Variants in ENTPD1 observed in about 807,000 individuals in gnomAD.
ENTPD1 encodes the protein ATP diphosphohydrolase.
ENTPD1 carries 33 observed loss-of-function variants against 57.0 expected under a neutral mutation model. The observed-to-expected ratio is 0.58, with a 90% CI of 0.44 to 0.77. The LOEUF (loss-of-function observed/expected upper bound fraction) is 0.77. Ranked by LOEUF, ENTPD1 falls within the 30% of genes least tolerant of loss-of-function variation. ENTPD1 has a pLI of 0.00. For missense variants in ENTPD1, 501 were observed against 603.4 expected, an observed-to-expected ratio of 0.83 and a Z score of 1.78; for synonymous variants, 202 against 218.8, an observed-to-expected ratio of 0.92 and a Z score of 0.68.
intron 1 of ENTPD1, among the ~76,000 whole-genome samples, chr10:95,817,509 G>A (rs2098334193): frequency 6.6e-6 from 1 of 152,182 alleles, no homozygotes; most frequent in African/African-American, 2.4e-5. Flanking sequence ...TTAGAAGTAA[G>A]TCACATCACT....
intron 7 of ENTPD1, among the ~76,000 whole-genome samples, chr10:95,851,840 TTGG>T (rs2098445825): frequency 6.6e-6 from 1 of 152,142 alleles, no homozygotes; most frequent in African/African-American, 2.4e-5. Flanking sequence ...TGATTGACAT[TTGG>T]GTTGGTTCCA....
upstream of ENTPD1, among the ~76,000 whole-genome samples, chr10:95,707,540 G>C (rs1276398301): frequency 6.6e-6 from 1 of 152,228 alleles, no homozygotes; most frequent in African/African-American, 2.4e-5. Context: ...TTCTGAGCTG[G>C]TGGTAATCAT....
At position 95,871,956 on chromosome 10, in the gene ENTPD1, GA is replaced by G; in HGVS notation, c.*5575del. 1.0e-6 allele frequency: 1 copy of G among 985,392 alleles called. No homozygotes were observed. Among genetic ancestry groups the G allele is most frequent in the Non-Finnish European group, 1.2e-6 (1 of 829,920 alleles). 61.0% of individuals were successfully genotyped at this position (985,392 alleles called of 1,614,324 possible). A position where few individuals can be genotyped will look rare whatever the true frequency, so the allele number is the denominator to read the frequency against. ...GTGTGTATTTGCAATTACCTAAACT[GA>G]ACTCTACCATTACTCCTAACCCAGT... On this transcript the variant is annotated 3_prime_UTR_variant, in exon 10 of 10. Coordinates refer to ENST00000371205, the MANE Select transcript of ENTPD1 (RefSeq NM_001776.6).
At chr10:95,832,946 A>G (rs1479754737) in intron 2 of ENTPD1, among the ~76,000 whole-genome samples, 5 of 152,222 alleles carry the variant, frequency 3.3e-5, no homozygotes, top group Admixed American at 1.3e-4. Context: ...CTATTAGTGT[A>G]TTATGGTCAC....
At chr10:95,699,105 G>A in the ENTPD1 span, among the ~76,000 whole-genome samples, 1 of 152,180 alleles carries the variant, frequency 6.6e-6, no homozygotes, top group Non-Finnish European at 1.5e-5. Flanking sequence ...AGCCAGGGAG[G>A]TTGAGGCTGC....
chr10:95,859,064 G>A (rs2098460663), intron 7 of ENTPD1, among the ~76,000 whole-genome samples: 1 of 152,116 alleles, frequency 6.6e-6, no homozygotes, highest in Non-Finnish European at 1.5e-5. Flanking sequence ...GACTGAAAGT[G>A]GAAGAAAAAA....
chr10:95,820,717 G>A (rs2098347193), intron 1 of ENTPD1, among the ~76,000 whole-genome samples: 1 of 152,122 alleles, frequency 6.6e-6, no homozygotes, highest in African/African-American at 2.4e-5. Context: ...TCTACCGCAA[G>A]TCACTCTATC....
Position 95,826,434 on chromosome 10 carries a change from A to G in ENTPD1, c.144+3070A>G, listed in dbSNP as rs913302227. ...CTAAAATACAAAAAATTAGCTTGGT[A>G]TGGTGGCGCGTACTTGTAATCCTAG... is the stretch of plus-strand genomic sequence containing the variant. On this transcript the variant is annotated intron_variant, in intron 2 of 9. Transcript: ENST00000371205. Among the ~76,000 whole-genome samples, 6 of 152,072 alleles carry G rather than the reference A, an allele frequency of 3.9e-5. No homozygotes were observed. The South Asian group carries it at 1.2e-3, about 32-fold the overall frequency.
intron 2 of ENTPD1, among the ~76,000 whole-genome samples, chr10:95,837,055 C>G (rs1023626572): frequency 7.2e-5 from 11 of 152,196 alleles, no homozygotes; most frequent in Non-Finnish European, 1.2e-4. Context: ...ATGCTTTACC[C>G]CCTTCTCAAA....
At position 95,876,274 on chromosome 10, in the gene ENTPD1, C is replaced by T. The variant is rs1222440961; in HGVS notation, c.*9891C>T. On this transcript the variant is annotated 3_prime_UTR_variant, in exon 10 of 10. Coordinates refer to ENST00000371205, the MANE Select transcript of ENTPD1 (RefSeq NM_001776.6). ...TTATAATAACACAAGTTGATTTTGA[C>T]ATCCAACTTATTAATTATGAAATGA... 2 of 978,458 alleles carry T rather than the reference C, an allele frequency of 2.0e-6. No individual in the cohort carries two copies. The highest frequency in any genetic ancestry group is 2.4e-6 in the Non-Finnish European group (2 of 823,816). 60.6% of individuals were successfully genotyped at this position (978,458 alleles called of 1,614,324 possible).
In ENTPD1 at chr10:95,869,590, A is replaced by T; in HGVS notation, c.*3207A>T. The T allele has an allele frequency of 1.0e-6, 1 of 985,310 alleles. No homozygotes were observed. Among genetic ancestry groups the T allele is most frequent in the Non-Finnish European group, 1.2e-6 (1 of 829,914 alleles). The allele number at this position is 985,310 out of a possible 1,614,324, so 61.0% of individuals were successfully genotyped here. A position where few individuals can be genotyped will look rare whatever the true frequency, so the allele number is the denominator to read the frequency against. On this transcript the variant is annotated 3_prime_UTR_variant, in exon 10 of 10. Transcript: ENST00000371205. ...TGTAGACAAAAGAATAATGCTACTT[A>T]ATCAGGCTTTCTGTGTGACAAGAAA... is the stretch of plus-strand genomic sequence containing the variant.
intron 9 of ENTPD1, among the ~76,000 whole-genome samples, chr10:95,865,569 A>G (rs2098472832): frequency 6.6e-6 from 1 of 152,232 alleles, no homozygotes; most frequent in Admixed American, 6.5e-5. Context: ...AAGCATTGAG[A>G]CAGAGGGCTG....
At chr10:95,757,825 T>G (rs2098034608) in intron 1 of ENTPD1, among the ~76,000 whole-genome samples, 1 of 151,570 alleles carries the variant, frequency 6.6e-6, no homozygotes, top group African/African-American at 2.4e-5. Flanking sequence ...GCCAACATGA[T>G]GAAACCCTGT....
chr10:95,810,496 A>G (rs1441008370), intron 1 of ENTPD1, among the ~76,000 whole-genome samples: 1 of 148,398 alleles, frequency 6.7e-6, no homozygotes, highest in East Asian at 2.0e-4. Flanking sequence ...GGCCAGGCAG[A>G]GACGCTCCTC....
the ENTPD1 span, among the ~76,000 whole-genome samples, chr10:95,703,077 G>A: frequency 6.6e-5 from 10 of 152,016 alleles, no homozygotes; most frequent in East Asian, 7.7e-4. Context: ...GAGCCACCGC[G>A]CCCGGCCTAC....
At chr10:95,704,680 T>G in the ENTPD1 span, among the ~76,000 whole-genome samples, 3 of 152,100 alleles carry the variant, frequency 2.0e-5, no homozygotes, top group Admixed American at 6.5e-5. Context: ...AAATAAAGCT[T>G]CTAGAACGTG....
At chr10:95,759,814 T>C (rs1358648786) in intron 1 of ENTPD1, among the ~76,000 whole-genome samples, 1 of 152,234 alleles carries the variant, frequency 6.6e-6, no homozygotes, top group African/African-American at 2.4e-5. Flanking sequence ...TGTTGTCTCA[T>C]GTAATCTTTA....
chr10:95,852,216 C>A (rs2098446515), intron 7 of ENTPD1, among the ~76,000 whole-genome samples: 1 of 152,300 alleles, frequency 6.6e-6, no homozygotes. Context: ...CTGTTGGCTG[C>A]AAAAATGTCT....
chr10:95,772,847 T>G (rs2098120062), intron 1 of ENTPD1, among the ~76,000 whole-genome samples: 1 of 152,224 alleles, frequency 6.6e-6, no homozygotes. Context: ...TTAAATGTAT[T>G]TCTTAAATGA....
Sources: gnomAD v4.1 joint callset for allele counts (sites outside exome capture counted in the v4.1 genomes callset) on GRCh38, gnomAD v4.1.1 for gene constraint, MANE v1.5 for transcripts, NCBI Gene and HGNC (gene_info 2026-07-23, HGNC 2026-07-21) for gene names.